The following GNAO1 variants were observed in gnomAD, a reference collection of about 807,000 sequenced individuals.
The protein encoded by GNAO1 is guanine nucleotide-binding protein G(o) subunit alpha.
For missense variants in GNAO1, 166 were observed against 478.7 expected, an observed-to-expected ratio of 0.35 and a Z score of 6.10; for synonymous variants, 164 against 180.7, an observed-to-expected ratio of 0.91 and a Z score of 0.74.
At chr16:56,315,732 A>T (rs1375414924) in intron 3 of GNAO1, among the ~76,000 whole-genome samples, 1 of 152,066 alleles carries the variant, frequency 6.6e-6, no homozygotes, top group African/African-American at 2.4e-5. Context: ...GGCCCAGGAC[A>T]GGCTTCTGTT....
chr16:56,275,517 G>T (rs562763866), intron 2 of GNAO1, among the ~76,000 whole-genome samples: 2 of 152,298 alleles, frequency 1.3e-5, no homozygotes, highest in East Asian at 3.9e-4. Context: ...AAAGAAAAAT[G>T]CATCATCCAT....
intron 6 of GNAO1, chr16:56,347,071 A>T (rs2037876818): frequency 1.0e-6 from 1 of 985,146 alleles, no homozygotes; most frequent in South Asian, 4.7e-5. Flanking sequence ...GACCTGGTGC[A>T]CTCTTGGCAA....
chr16:56,222,630 C>G (rs2036500889), intron 2 of GNAO1, among the ~76,000 whole-genome samples: 1 of 152,172 alleles, frequency 6.6e-6, no homozygotes, highest in Admixed American at 6.5e-5. Flanking sequence ...ATTCTGACAG[C>G]CCTACTCCAG....
At chr16:56,338,762 G>A (rs1424494289) in intron 6 of GNAO1, among the ~76,000 whole-genome samples, 1 of 152,244 alleles carries the variant, frequency 6.6e-6, no homozygotes, top group Non-Finnish European at 1.5e-5. Flanking sequence ...GAGCCTAGCA[G>A]CCACAGGCCC....
At chr16:56,230,206 A>G (rs1296300442) in intron 2 of GNAO1, among the ~76,000 whole-genome samples, 9 of 151,986 alleles carry the variant, frequency 5.9e-5, no homozygotes, top group African/African-American at 2.2e-4. Flanking sequence ...CTGTGCACCT[A>G]CGAGCTGCCC....
intron 6 of GNAO1, chr16:56,340,730 A>G (rs547923381): frequency 2.0e-6 from 2 of 995,814 alleles, no homozygotes; most frequent in South Asian, 1.5e-5. Flanking sequence ...GCATCCAGCC[A>G]CATTGGTGGA....
intron 3 of GNAO1, among the ~76,000 whole-genome samples, chr16:56,318,688 G>T (rs1170332072): frequency 1.3e-5 from 2 of 152,240 alleles, no homozygotes; most frequent in Non-Finnish European, 2.9e-5. Context: ...TCCTCAAATG[G>T]AAGGGGTTAT....
At chr16:56,209,156 T>A (rs1200412501) in intron 2 of GNAO1, among the ~76,000 whole-genome samples, 1 of 152,216 alleles carries the variant, frequency 6.6e-6, no homozygotes, top group Non-Finnish European at 1.5e-5. Flanking sequence ...TTAATTTACT[T>A]GTAGTTGATT....
intron 3 of GNAO1, among the ~76,000 whole-genome samples, chr16:56,300,037 GCGCGCGCGCGCGCGCACGCACATGTGCT>G (rs142945425): frequency 9.4e-4 from 84 of 89,386 alleles, no homozygotes; most frequent in East Asian, 1.9e-3. Context: ...GTGTGTGTGT[GCGCGCGCGCGCGCGCACGCACATGTGCT>G]TGTGAGTGTG....
chr16:56,202,160 G>C (rs1161131927), intron 2 of GNAO1, among the ~76,000 whole-genome samples: 1 of 152,192 alleles, frequency 6.6e-6, no homozygotes, highest in Non-Finnish European at 1.5e-5. Flanking sequence ...CATCATGAAA[G>C]CCAAGGAAGA....
At chr16:56,347,107 A>G in intron 6 of GNAO1, 2 of 985,424 alleles carry the variant, frequency 2.0e-6, no homozygotes, top group Non-Finnish European at 2.4e-6. Context: ...TCCCAGGTGG[A>G]TATTTAATGA....
At chr16:56,294,654 G>T (rs529955905) in intron 3 of GNAO1, among the ~76,000 whole-genome samples, 1 of 152,198 alleles carries the variant, frequency 6.6e-6, no homozygotes, top group Non-Finnish European at 1.5e-5. Flanking sequence ...GCTGGGTCAC[G>T]TTGGGAGGGT....
At chr16:56,355,184 C>CT (rs2037956719) in intron 8 of GNAO1, 103 bp downstream of exon 8, 2 of 388,304 alleles carry the variant, frequency 5.2e-6, no homozygotes, top group Admixed American at 4.4e-5. Flanking sequence ...GGTAAATAAA[C>CT]TTTAAAGAGG....
chr16:56,303,236 C>G (rs1409385672), intron 3 of GNAO1, among the ~76,000 whole-genome samples: 1 of 152,164 alleles, frequency 6.6e-6, no homozygotes, highest in Admixed American at 6.5e-5. Context: ...TGGGGTGTGC[C>G]AGGGGAAGAC....
intron 2 of GNAO1, among the ~76,000 whole-genome samples, chr16:56,251,924 T>G (rs1161522773): frequency 6.6e-6 from 1 of 152,126 alleles, no homozygotes; most frequent in Admixed American, 6.5e-5. Context: ...TGTAAGGACC[T>G]TTTCTGGGGC....
Position 56,326,772 on chromosome 16 carries a change from C to T in GNAO1, c.304-1859C>T, listed in dbSNP as rs1384023114. Among the ~76,000 whole-genome samples the T allele has an allele frequency of 1.3e-5, 2 of 152,226 alleles. No homozygotes were observed. Among genetic ancestry groups the T allele is most frequent in the Non-Finnish European group, 2.9e-5 (2 of 68,034 alleles). ...TCCATGGGCAGAGGCAGGAGGGCGG[C>T]CCGGGGCAGCACCTGCTCTGCTCTC... On this transcript the variant is annotated intron_variant, in intron 3 of 8. Coordinates refer to ENST00000262493, the MANE Select transcript of GNAO1 (RefSeq NM_020988.3). The surrounding 1 kb of genome is among the most constrained non-coding windows in gnomAD (Gnocchi z 4.8).
chr16:56,284,776 G>A (rs919275423), intron 3 of GNAO1, among the ~76,000 whole-genome samples: 1 of 152,218 alleles, frequency 6.6e-6, no homozygotes. Flanking sequence ...TTCATCCAAT[G>A]GGTGTGTGCT....
At chr16:56,272,334 G>C (rs985519733) in intron 2 of GNAO1, among the ~76,000 whole-genome samples, 3 of 152,094 alleles carry the variant, frequency 2.0e-5, no homozygotes, top group Non-Finnish European at 4.4e-5. Flanking sequence ...GATATTTCTT[G>C]TTGTTCTGTA....
chr16:56,193,018 A>C, intron 2 of GNAO1: 1 of 178,188 alleles, frequency 5.6e-6, no homozygotes, highest in East Asian at 1.5e-4. Context: ...TCTTCCCTCC[A>C]TACCTCCCTA....
Sources: gnomAD v4.1 joint callset for allele counts (sites outside exome capture counted in the v4.1 genomes callset) on GRCh38, gnomAD v4.1.1 for gene constraint, Gnocchi (gnomAD v3.1) non-coding constraint, MANE v1.5 for transcripts, NCBI Gene and HGNC (gene_info 2026-07-23, HGNC 2026-07-21) for gene names.